The following SLC24A2 variants were observed in gnomAD, a reference collection of about 807,000 sequenced individuals.
The protein encoded by SLC24A2 is solute carrier family 24 member 2, also known as sodium/potassium/calcium exchanger 2.
In SLC24A2, 36 loss-of-function variants were observed where a neutral mutation model predicts 62.0. The ratio of observed to expected loss-of-function variants is 0.58; its 90% CI spans 0.44 to 0.77. The LOEUF is 0.77. SLC24A2 is among the 30% of genes least tolerant of loss of function. SLC24A2 has a pLI of 0.00. For missense variants in SLC24A2, 846 were observed against 817.9 expected (o/e 1.03, Z -0.42); for synonymous variants, 358 against 294.0 (o/e 1.22, Z -2.23).
the SLC24A2 span, among the ~76,000 whole-genome samples, chr9:20,143,286 G>T: frequency 6.6e-6 from 1 of 152,168 alleles, no homozygotes; most frequent in Non-Finnish European, 1.5e-5. Flanking sequence ...GCTACCAGCT[G>T]CCAACTCCCA....
At chr9:20,172,663 C>G in the SLC24A2 span, among the ~76,000 whole-genome samples, 211 of 151,848 alleles carry the variant, frequency 1.4e-3, no homozygotes, top group African/African-American at 4.9e-3. Context: ...AATTAGATAC[C>G]CTGAACAGCC....
At chr9:19,726,730 T>C (rs918797795) in intron 2 of SLC24A2, among the ~76,000 whole-genome samples, 13 of 152,236 alleles carry the variant, frequency 8.5e-5, no homozygotes, top group African/African-American at 2.9e-4. Context: ...ATGGTTAACA[T>C]AGCTAAATTC....
the SLC24A2 span, among the ~76,000 whole-genome samples, chr9:20,074,594 GAA>G: frequency 1.8e-4 from 16 of 88,020 alleles, no homozygotes; most frequent in South Asian, 3.5e-3. Context: ...AGGAAGGAAG[GAA>G]GGAAGGAAAG....
the SLC24A2 span, among the ~76,000 whole-genome samples, chr9:19,861,786 G>T: frequency 6.6e-6 from 1 of 152,042 alleles, no homozygotes; most frequent in Non-Finnish European, 1.5e-5. Context: ...GAAAAATGCA[G>T]TTGGCATACT....
At chr9:20,285,231 A>T in the SLC24A2 span, among the ~76,000 whole-genome samples, 1 of 152,206 alleles carries the variant, frequency 6.6e-6, no homozygotes, top group African/African-American at 2.4e-5. Context: ...GCATGTGGAA[A>T]TAGGGCCTTA....
At chr9:20,289,848 G>A in the SLC24A2 span, among the ~76,000 whole-genome samples, 3 of 152,248 alleles carry the variant, frequency 2.0e-5, no homozygotes, top group Middle Eastern at 3.4e-3. Flanking sequence ...ACTGTGTACT[G>A]GGTTGGCACA....
the SLC24A2 span, among the ~76,000 whole-genome samples, chr9:19,966,375 T>G: frequency 6.6e-6 from 1 of 152,234 alleles, no homozygotes; most frequent in Non-Finnish European, 1.5e-5. Flanking sequence ...TTAACTCATT[T>G]TGCTTCAAAT....
intron 2 of SLC24A2, among the ~76,000 whole-genome samples, chr9:19,673,827 C>G (rs959569860): frequency 7.2e-5 from 11 of 152,138 alleles, no homozygotes; most frequent in African/African-American, 2.7e-4. Flanking sequence ...TTCTGCCATT[C>G]TGTATCTTTT....
At chr9:19,535,783 C>T (rs2132688231) in intron 8 of SLC24A2, among the ~76,000 whole-genome samples, 1 of 152,250 alleles carries the variant, frequency 6.6e-6, no homozygotes, top group South Asian at 2.1e-4. Flanking sequence ...TAGTGTGATG[C>T]CTCCAGCTTT....
At chr9:20,246,877 A>C in the SLC24A2 span, among the ~76,000 whole-genome samples, 4 of 152,194 alleles carry the variant, frequency 2.6e-5, no homozygotes, top group African/African-American at 9.7e-5. Context: ...CCACCACCCT[A>C]TCTCCACTGC....
the SLC24A2 span, among the ~76,000 whole-genome samples, chr9:20,021,170 A>G: frequency 6.6e-6 from 1 of 152,156 alleles, no homozygotes; most frequent in East Asian, 1.9e-4. Context: ...CAAATAATAG[A>G]ATAATTTTTA....
At chr9:19,520,247 T>C (rs2132634258) in intron 10 of SLC24A2, among the ~76,000 whole-genome samples, 1 of 152,348 alleles carries the variant, frequency 6.6e-6, no homozygotes, top group South Asian at 2.1e-4. Context: ...AGTTTATTTG[T>C]CAGACTATTT....
rs62561120 is a variant in SLC24A2 at position 19,528,741 on chromosome 9, C to T, written c.1480-603G>A. Among the ~76,000 whole-genome samples the T allele has an allele frequency of 2.0e-3, 299 of 152,298 alleles. 1 individual carries two copies. Among genetic ancestry groups the T allele is most frequent in the Middle Eastern group, 6.8e-3 (2 of 294 alleles). On this transcript the variant is annotated intron_variant, in intron 8 of 10. Coordinates refer to ENST00000341998, the MANE Select transcript of SLC24A2 (RefSeq NM_020344.4). ...TCTGGATGATGGCCATTCTCCAGGA[C>T]ACTGGAACCACCCATGGACCAGAGT...
At chr9:19,711,253 T>A (rs1473664770) in intron 2 of SLC24A2, among the ~76,000 whole-genome samples, 1 of 152,246 alleles carries the variant, frequency 6.6e-6, no homozygotes, top group Non-Finnish European at 1.5e-5. Context: ...TGATGTGTGA[T>A]AATGCAATTG....
intron 9 of SLC24A2, among the ~76,000 whole-genome samples, chr9:19,525,426 C>T (rs1255529132): frequency 9.3e-5 from 9 of 96,528 alleles, no homozygotes; most frequent in African/African-American, 3.3e-4. Flanking sequence ...TTTTAAAAGA[C>T]AGGGTCTTAC....
chr9:19,668,585 T>A (rs1819324226), intron 2 of SLC24A2, among the ~76,000 whole-genome samples: 1 of 152,204 alleles, frequency 6.6e-6, no homozygotes. Context: ...AGGGTCTCCC[T>A]CTGCAGTGGC....
the SLC24A2 span, among the ~76,000 whole-genome samples, chr9:20,218,391 C>T: frequency 6.6e-6 from 1 of 152,092 alleles, no homozygotes; most frequent in African/African-American, 2.4e-5. Flanking sequence ...GTGCTCCATC[C>T]AACCAGTCTG....
the SLC24A2 span, among the ~76,000 whole-genome samples, chr9:20,001,794 A>G: frequency 2.6e-5 from 4 of 152,322 alleles, no homozygotes; most frequent in African/African-American, 9.6e-5. Flanking sequence ...CCAAAGAAAA[A>G]AAGCTTCACA....
At chr9:20,176,316 T>C in the SLC24A2 span, among the ~76,000 whole-genome samples, 1,600 of 152,206 alleles carry the variant, frequency 0.011, 33 homozygotes, top group African/African-American at 0.035. Context: ...AAATGATTTA[T>C]GATTTATAAC....
Sources: gnomAD v4.1 joint callset for allele counts (sites outside exome capture counted in the v4.1 genomes callset) on GRCh38, gnomAD v4.1.1 for gene constraint, MANE v1.5 for transcripts, NCBI Gene and HGNC (gene_info 2026-07-23, HGNC 2026-07-21) for gene names.